SCAPER: variants seen among roughly 807,000 people sequenced by gnomAD.
The protein encoded by SCAPER is S phase cyclin A-associated protein in the endoplasmic reticulum.
SCAPER carries 98 observed loss-of-function variants against 182.2 expected under a neutral mutation model. That is an observed-to-expected ratio of 0.54 (90% confidence interval 0.46 to 0.64). The LOEUF (loss-of-function observed/expected upper bound fraction) is 0.64. Ranked by LOEUF, SCAPER falls within the 30% of genes least tolerant of loss-of-function variation. The probability of loss-of-function intolerance (pLI) is 0.00; values close to 1 mark genes in which losing one functional copy is unlikely to be tolerated. For synonymous variants in SCAPER, 605 were observed against 564.6 expected, an observed-to-expected ratio of 1.07 and a Z score of -1.01; for missense variants, 1,432 against 1,690.0, an observed-to-expected ratio of 0.85 and a Z score of 2.68.
chr15:76,736,122 A>G (rs1251762831), intron 15 of SCAPER, among the ~76,000 whole-genome samples: 1 of 152,258 alleles, frequency 6.6e-6, no homozygotes, highest in Non-Finnish European at 1.5e-5. Context: ...AAATTTCCCA[A>G]TGCATATAAG....
intron 5 of SCAPER, among the ~76,000 whole-genome samples, chr15:76,830,476 T>C (rs1346015192): frequency 1.3e-5 from 2 of 151,992 alleles, no homozygotes; most frequent in Non-Finnish European, 2.9e-5. Context: ...CAGCTTGGAC[T>C]AGGATGGTAG....
chr15:76,623,320 A>G (rs190679108), intron 21 of SCAPER, among the ~76,000 whole-genome samples: 2 of 152,336 alleles, frequency 1.3e-5, no homozygotes, highest in Non-Finnish European at 2.9e-5. Flanking sequence ...TTCATTGCCA[A>G]GGCCATTGTC....
intron 21 of SCAPER, among the ~76,000 whole-genome samples, chr15:76,658,727 G>T (rs2055878619): frequency 6.6e-6 from 1 of 152,050 alleles, no homozygotes; most frequent in East Asian, 1.9e-4. Flanking sequence ...CAGAAACATA[G>T]ATGAATGGAA....
chr15:76,705,824 T>G (rs886668276), intron 18 of SCAPER, 79 bp downstream of exon 18: 1 of 943,822 alleles, frequency 1.1e-6, no homozygotes, highest in African/African-American at 1.7e-5. Flanking sequence ...ATTAATTCAA[T>G]TTTTTTCCTA....
At chr15:76,560,929 C>A (rs2046568834) in intron 23 of SCAPER, among the ~76,000 whole-genome samples, 1 of 152,096 alleles carries the variant, frequency 6.6e-6, no homozygotes, top group African/African-American at 2.4e-5. Context: ...AGTTAATACA[C>A]AGGGTATCTG....
chr15:76,540,210 G>A (rs1219672380), intron 23 of SCAPER, among the ~76,000 whole-genome samples: 3 of 152,078 alleles, frequency 2.0e-5, no homozygotes, highest in African/African-American at 7.2e-5. Flanking sequence ...AGACCAGCCT[G>A]GGCAACATAG....
intron 20 of SCAPER, 100 bp downstream of exon 20, chr15:76,701,658 A>G: frequency 1.1e-6 from 1 of 889,970 alleles, no homozygotes; most frequent in Non-Finnish European, 1.7e-6. Flanking sequence ...ATAGTTTTAA[A>G]TAATCATAGA....
chr15:76,803,063 C>G (rs1362826535), intron 6 of SCAPER, among the ~76,000 whole-genome samples: 1 of 152,124 alleles, frequency 6.6e-6, no homozygotes, highest in Admixed American at 6.6e-5. Context: ...CTTTTAAAAA[C>G]ATAAATCTGA....
At chr15:76,900,912 T>A (rs2152629953) in intron 1 of SCAPER, among the ~76,000 whole-genome samples, 1 of 152,312 alleles carries the variant, frequency 6.6e-6, no homozygotes, top group African/African-American at 2.4e-5. Flanking sequence ...CTCTCCAGGG[T>A]TCACAAAGTC....
intron 25 of SCAPER, among the ~76,000 whole-genome samples, chr15:76,437,745 A>T (rs1243456122): frequency 6.6e-6 from 1 of 152,214 alleles, no homozygotes; most frequent in East Asian, 1.9e-4. Context: ...AGTAACTGGA[A>T]CTTTTAAAAA....
intron 27 of SCAPER, among the ~76,000 whole-genome samples, chr15:76,389,095 C>T (rs191719708): frequency 2.6e-5 from 4 of 152,180 alleles, no homozygotes; most frequent in Non-Finnish European, 5.9e-5. Context: ...ATTTGGAGCT[C>T]TGTTGAAGAA....
chr15:76,673,195 G>T (rs1270766615), intron 20 of SCAPER, among the ~76,000 whole-genome samples: 1 of 151,778 alleles, frequency 6.6e-6, no homozygotes, highest in Admixed American at 6.6e-5. Flanking sequence ...ACCTTTCTGA[G>T]GAATCTACAT....
At chr15:76,687,325 A>G (rs1567800953) in intron 20 of SCAPER, among the ~76,000 whole-genome samples, 2 of 152,316 alleles carry the variant, frequency 1.3e-5, no homozygotes, top group East Asian at 3.9e-4. Flanking sequence ...TTAAACTACA[A>G]AGAAAAATTA....
chr15:76,856,011 GAATCAACCTAA>G (rs1356974203), intron 4 of SCAPER: 1 of 174,122 alleles, frequency 5.7e-6, no homozygotes. Flanking sequence ...CAAAGAAATG[GAATCAACCTAA>G]ATGCCCATCA....
intron 23 of SCAPER, among the ~76,000 whole-genome samples, chr15:76,529,746 T>A (rs1015505989): frequency 6.6e-6 from 1 of 152,238 alleles, no homozygotes; most frequent in African/African-American, 2.4e-5. Context: ...GCAAGGGCCA[T>A]GAGGCTGGAG....
chr15:76,648,919 C>T (rs956042358), intron 21 of SCAPER, among the ~76,000 whole-genome samples: 5 of 152,226 alleles, frequency 3.3e-5, no homozygotes. Context: ...GAGACCCTAT[C>T]TGCATAATAA....
intron 14 of SCAPER, among the ~76,000 whole-genome samples, chr15:76,758,266 G>A (rs1024377121): frequency 1.1e-4 from 17 of 152,032 alleles, no homozygotes; most frequent in African/African-American, 3.6e-4. Flanking sequence ...TTTATGCATG[G>A]TGTAAGATAA....
intron 20 of SCAPER, among the ~76,000 whole-genome samples, chr15:76,697,473 C>T (rs1191278282): frequency 6.6e-6 from 1 of 152,160 alleles, no homozygotes; most frequent in East Asian, 1.9e-4. Flanking sequence ...GCACATTTTT[C>T]TTCCGAAGTG....
intron 1 of SCAPER, among the ~76,000 whole-genome samples, chr15:76,898,863 T>C (rs1279168721): frequency 1.3e-5 from 2 of 152,224 alleles, no homozygotes; most frequent in South Asian, 4.1e-4. Context: ...ACTCTGTGAA[T>C]ACATTAAAAT....
Sources: gnomAD v4.1 joint callset for allele counts (sites outside exome capture counted in the v4.1 genomes callset) on GRCh38, gnomAD v4.1.1 for gene constraint, MANE v1.5 for transcripts, NCBI Gene and HGNC (gene_info 2026-07-23, HGNC 2026-07-21) for gene names.